Variants in SYNPR observed in about 807,000 individuals in gnomAD.
SYNPR encodes the protein synaptoporin.
In SYNPR, 23 loss-of-function variants were observed where a neutral mutation model predicts 32.9. That is an observed-to-expected ratio of 0.70 (90% CI 0.50 to 0.99). The LOEUF is 0.99. SYNPR is among the 50% of genes least tolerant of loss of function. The pLI, the probability that SYNPR is intolerant of heterozygous loss-of-function variation, is 0.00. For synonymous variants in SYNPR, 146 were observed against 135.9 expected (o/e 1.07, Z -0.52); for missense variants, 318 against 349.3 (o/e 0.91, Z 0.71).
At chr3:63,543,528 ATTTTG>A (rs1304084997) in intron 3 of SYNPR, among the ~76,000 whole-genome samples, 1 of 151,998 alleles carries the variant, frequency 6.6e-6, no homozygotes, top group Non-Finnish European at 1.5e-5. Context: ...TGTTTTGGTT[ATTTTG>A]TTTTTGTTTT....
At chr3:63,422,708 A>T (rs1197443253) in intron 2 of SYNPR, among the ~76,000 whole-genome samples, 1 of 152,202 alleles carries the variant, frequency 6.6e-6, no homozygotes, top group African/African-American at 2.4e-5. Context: ...GTGCCGGGGC[A>T]GGAGTGTATA....
At chr3:63,436,204 T>G (rs1700081922) in intron 2 of SYNPR, among the ~76,000 whole-genome samples, 2 of 152,024 alleles carry the variant, frequency 1.3e-5, no homozygotes, top group South Asian at 2.1e-4. Flanking sequence ...TTTAATACTT[T>G]AAGTTTTAGG....
intron 4 of SYNPR, among the ~76,000 whole-genome samples, chr3:63,591,214 C>T (rs1703294971): frequency 7.1e-6 from 1 of 141,614 alleles, no homozygotes; most frequent in African/African-American, 2.7e-5. Context: ...AAATGCTCAT[C>T]ATCACTGGCC....
chr3:63,492,624 G>T (rs1202279170), intron 3 of SYNPR, among the ~76,000 whole-genome samples: 3 of 152,144 alleles, frequency 2.0e-5, no homozygotes, highest in African/African-American at 7.2e-5. Flanking sequence ...TGTTGTTTCT[G>T]TTGAGCTCCC....
chr3:63,614,300 G>C (rs949705352), intron 5 of SYNPR, among the ~76,000 whole-genome samples: 7 of 152,188 alleles, frequency 4.6e-5, no homozygotes, highest in African/African-American at 1.7e-4. Flanking sequence ...CAATCAACCA[G>C]CCTTGGAAAA....
intron 2 of SYNPR, among the ~76,000 whole-genome samples, chr3:63,326,043 G>A (rs1481305346): frequency 6.6e-6 from 1 of 151,868 alleles, no homozygotes; most frequent in East Asian, 2.0e-4. Context: ...AGAGCAAATG[G>A]TGACCCCATG....
chr3:63,537,787 A>G (rs550524403), intron 3 of SYNPR, among the ~76,000 whole-genome samples: 2 of 152,114 alleles, frequency 1.3e-5, no homozygotes, highest in Non-Finnish European at 1.5e-5. Flanking sequence ...TTTCCCTTCT[A>G]AATGTGAGCT....
chr3:63,510,362 G>C (rs1253343159), intron 3 of SYNPR, among the ~76,000 whole-genome samples: 1 of 152,142 alleles, frequency 6.6e-6, no homozygotes, highest in Non-Finnish European at 1.5e-5. Flanking sequence ...TTACTTGTTT[G>C]ATACTTAACA....
intron 2 of SYNPR, among the ~76,000 whole-genome samples, chr3:63,339,027 C>G (rs560502896): frequency 1.4e-4 from 21 of 152,312 alleles, no homozygotes; most frequent in African/African-American, 3.8e-4. Context: ...TTGCCTGCTG[C>G]GTTTGCTTGT....
At chr3:63,565,185 G>A (rs1042368858) in intron 4 of SYNPR, among the ~76,000 whole-genome samples, 1 of 152,170 alleles carries the variant, frequency 6.6e-6, no homozygotes, top group Admixed American at 6.5e-5. Flanking sequence ...AGACAGACCA[G>A]GGGTTTTCAA....
intron 5 of SYNPR, among the ~76,000 whole-genome samples, chr3:63,611,339 C>T (rs927260738): frequency 9.9e-5 from 15 of 152,218 alleles, no homozygotes; most frequent in Non-Finnish European, 1.8e-4. Flanking sequence ...ATGCAAAGTT[C>T]CAGGAGAGAG....
intron 3 of SYNPR, among the ~76,000 whole-genome samples, chr3:63,531,128 C>T (rs111973566): frequency 3.7e-4 from 56 of 152,260 alleles, no homozygotes; most frequent in African/African-American, 1.3e-3. Flanking sequence ...ACATAGTGGA[C>T]CGCGATGCTG....
At chr3:63,589,274 T>G (rs1387847460) in intron 4 of SYNPR, among the ~76,000 whole-genome samples, 7 of 152,130 alleles carry the variant, frequency 4.6e-5, no homozygotes, top group African/African-American at 7.2e-5. Context: ...TATTGTTTTT[T>G]TAAATTTCCA....
At chr3:63,539,896 C>T (rs963542415) in intron 3 of SYNPR, among the ~76,000 whole-genome samples, 4 of 152,242 alleles carry the variant, frequency 2.6e-5, no homozygotes, top group South Asian at 2.1e-4. Flanking sequence ...CACTGACTTC[C>T]ACCCTCCAGG....
At chr3:63,547,687 A>G (rs1702432552) in intron 3 of SYNPR, among the ~76,000 whole-genome samples, 2 of 152,156 alleles carry the variant, frequency 1.3e-5, no homozygotes, top group African/African-American at 4.8e-5. Context: ...AAAGCCCTCA[A>G]TGGTGCAAGA....
chr3:63,582,294 G>T (rs1183559737), intron 4 of SYNPR, among the ~76,000 whole-genome samples: 4 of 152,058 alleles, frequency 2.6e-5, no homozygotes, highest in African/African-American at 9.7e-5. Context: ...CTCTTTATGA[G>T]TAAGAATATC....
At chr3:63,355,395 C>T (rs1047242309) in intron 2 of SYNPR, among the ~76,000 whole-genome samples, 2 of 152,116 alleles carry the variant, frequency 1.3e-5, no homozygotes, top group African/African-American at 4.8e-5. Flanking sequence ...GGACCCAACA[C>T]CCCAACTTCC....
At chr3:63,217,627 G>A in the SYNPR span, among the ~76,000 whole-genome samples, 1 of 150,002 alleles carries the variant, frequency 6.7e-6, no homozygotes, top group African/African-American at 2.5e-5. Context: ...CTAGTGAGAT[G>A]AACCTGGTAC....
chr3:63,247,304 C>T (rs1654698490), intron 1 of SYNPR, among the ~76,000 whole-genome samples: 1 of 151,590 alleles, frequency 6.6e-6, no homozygotes, highest in African/African-American at 2.4e-5. Context: ...ACTTGCTTTT[C>T]CTCTATGAAC....
Sources: allele counts gnomAD v4.1 joint callset (sites outside exome capture counted in the v4.1 genomes callset), GRCh38; gene constraint gnomAD v4.1.1; transcripts MANE v1.5; gene names NCBI Gene and HGNC (gene_info 2026-07-23, HGNC 2026-07-21).